RHOBTB3: variants seen among roughly 807,000 people sequenced by gnomAD.
RHOBTB3 encodes the protein Rho related BTB domain containing 3, also known as rho-related BTB domain-containing protein 3.
In RHOBTB3, 47 loss-of-function variants were observed where a neutral mutation model predicts 67.2. The observed-to-expected ratio is 0.70, with a 90% CI of 0.55 to 0.89. The LOEUF is 0.89. Ranked by LOEUF, RHOBTB3 falls within the 40% of genes least tolerant of loss-of-function variation. The probability of loss-of-function intolerance (pLI) is 0.00; values close to 1 mark genes in which losing one functional copy is unlikely to be tolerated. For synonymous variants in RHOBTB3, 273 were observed against 274.2 expected, an observed-to-expected ratio of 1.00 and a Z score of 0.04; for missense variants, 631 against 750.0, an observed-to-expected ratio of 0.84 and a Z score of 1.85.
At chr5:95,733,072 A>G (rs1755343122) in intron 2 of RHOBTB3, among the ~76,000 whole-genome samples, 1 of 152,260 alleles carries the variant, frequency 6.6e-6, no homozygotes, top group African/African-American at 2.4e-5. Flanking sequence ...CCATTCTAAA[A>G]AATGTGTAGA....
At chr5:95,734,535 C>G (rs553613207) in intron 2 of RHOBTB3, among the ~76,000 whole-genome samples, 2 of 152,316 alleles carry the variant, frequency 1.3e-5, no homozygotes, top group East Asian at 3.9e-4. Flanking sequence ...TCTATAGATC[C>G]TTAGCCTTAC....
intron 2 of RHOBTB3, among the ~76,000 whole-genome samples, chr5:95,735,203 T>G (rs927901756): frequency 2.6e-5 from 4 of 152,096 alleles, no homozygotes; most frequent in Admixed American, 6.6e-5. Context: ...TCTGCCCCCT[T>G]GCACCCTCTA....
At chr5:95,775,207 T>C (rs768884284) in intron 8 of RHOBTB3, among the ~76,000 whole-genome samples, 7 of 152,146 alleles carry the variant, frequency 4.6e-5, no homozygotes, top group African/African-American at 1.4e-4. Context: ...TGAAAACTTA[T>C]AAAGGTTAAG....
At chr5:95,773,880 A>AT (rs1325576032) in intron 8 of RHOBTB3, among the ~76,000 whole-genome samples, 1 of 152,192 alleles carries the variant, frequency 6.6e-6, no homozygotes, top group Non-Finnish European at 1.5e-5. Context: ...GTACCTTTGG[A>AT]ATTCTTCCAA....
rs1746549751 is a variant in RHOBTB3 at position 95,795,896 on chromosome 5, T to C, written c.*2722T>C. ...TCCATATATTTCCCAGTCATTTTAA[T>C]TAGAGAAGATACTCTATGGTAGAAC... On this transcript the variant is annotated 3_prime_UTR_variant, in exon 12 of 12. Transcript: ENST00000379982. 1 of 152,258 alleles carries C rather than the reference T, an allele frequency of 6.6e-6. No individual in the cohort carries two copies. Among genetic ancestry groups the C allele is most frequent in the Non-Finnish European group, 1.5e-5 (1 of 68,044 alleles). 9.4% of individuals were successfully genotyped at this position (152,258 alleles called of 1,614,324 possible). A position where few individuals can be genotyped will look rare whatever the true frequency, so the allele number is the denominator to read the frequency against.
intron 8 of RHOBTB3, among the ~76,000 whole-genome samples, chr5:95,777,704 T>G (rs1745930184): frequency 6.6e-6 from 1 of 152,194 alleles, no homozygotes; most frequent in African/African-American, 2.4e-5. Flanking sequence ...AACAGAACAA[T>G]TTATAACATC....
chr5:95,724,785 G>C (rs1387218826), intron 1 of RHOBTB3, among the ~76,000 whole-genome samples: 5 of 152,042 alleles, frequency 3.3e-5, no homozygotes, highest in Non-Finnish European at 7.4e-5. Context: ...CAGTAAATTA[G>C]GATAATAATA....
intron 6 of RHOBTB3, among the ~76,000 whole-genome samples, chr5:95,760,623 G>A (rs556479168): frequency 2.6e-5 from 4 of 152,204 alleles, no homozygotes; most frequent in South Asian, 4.2e-4. Flanking sequence ...TATACCATGC[G>A]CTCTAAAAGT....
At chr5:95,783,577 AAAAAAAAAG>A in intron 9 of RHOBTB3, 1 of 218,696 alleles carries the variant, frequency 4.6e-6, no homozygotes, top group Admixed American at 5.9e-5. Context: ...AAAAAAAAAA[AAAAAAAAAG>A]AAGAAGAAGA....
intron 10 of RHOBTB3, among the ~76,000 whole-genome samples, chr5:95,785,824 C>T (rs576346662): frequency 6.6e-6 from 1 of 152,178 alleles, no homozygotes; most frequent in South Asian, 2.1e-4. Context: ...TTAGTATCTT[C>T]TTAAATTGTT....
At chr5:95,778,681 A>G (rs529186993) in intron 8 of RHOBTB3, among the ~76,000 whole-genome samples, 37 of 152,378 alleles carry the variant, frequency 2.4e-4, no homozygotes, top group African/African-American at 8.9e-4. Context: ...CTAATTTTTA[A>G]AAATATAGTG....
Position 95,783,879 on chromosome 5 carries a change from C to T in RHOBTB3, c.1539C>T (p.Phe513=), listed in dbSNP as rs780598859. The change falls in exon 10 of 12, where the codon TTC becomes TTT. Residue 513 remains phenylalanine, a synonymous_variant. Transcript: ENST00000379982. ...VSRLQHICEL[F]IITQLQSMPS... ...GACTGCAGCACATCTGTGAGCTGTTCATCATTACCCAGCTGCAGAGCATGC... is the reference window on the plus strand; with the variant it reads ...GACTGCAGCACATCTGTGAGCTGTTTATCATTACCCAGCTGCAGAGCATGC... The T allele has an allele frequency of 6.2e-7, 1 of 1,613,906 alleles. No homozygotes were observed. The highest frequency in any genetic ancestry group is 2.2e-5 in the East Asian group (1 of 44,866).
chr5:95,794,100 G>T lies in RHOBTB3; in HGVS notation c.*926G>T. ...AGTGAAGATTCCCGCCTTTGGGGAG[G>T]TCTGGACCACCCAGGGCCTCCACTG... On this transcript the variant is annotated 3_prime_UTR_variant, in exon 12 of 12. Coordinates refer to ENST00000379982, the MANE Select transcript of RHOBTB3 (RefSeq NM_014899.4). 2.2e-6 allele frequency: 1 copy of T among 452,452 alleles called. No individual in the cohort carries two copies. The highest frequency in any genetic ancestry group is 4.4e-6 in the Non-Finnish European group (1 of 225,760). 28.0% of individuals were successfully genotyped at this position (452,452 alleles called of 1,614,324 possible). A position where few individuals can be genotyped will look rare whatever the true frequency, so the allele number is the denominator to read the frequency against.
At chr5:95,753,211 ATG>A (rs972591006) in intron 5 of RHOBTB3, among the ~76,000 whole-genome samples, 3 of 144,546 alleles carry the variant, frequency 2.1e-5, no homozygotes, top group Non-Finnish European at 4.5e-5. Context: ...AGCTGTGTGT[ATG>A]TGTGTGTGTT....
intron 2 of RHOBTB3, among the ~76,000 whole-genome samples, chr5:95,736,544 A>G (rs1286950452): frequency 6.6e-6 from 1 of 152,220 alleles, no homozygotes; most frequent in Non-Finnish European, 1.5e-5. Flanking sequence ...TCTTCCATCT[A>G]ATGCCATAAT....
intron 7 of RHOBTB3, among the ~76,000 whole-genome samples, chr5:95,765,786 C>T (rs1745525937): frequency 6.6e-6 from 1 of 152,164 alleles, no homozygotes; most frequent in African/African-American, 2.4e-5. Flanking sequence ...CTCAGCCTCC[C>T]GAGTAGTTGG....
At chr5:95,726,659 C>T (rs1755061987), upstream of RHOBTB3, among the ~76,000 whole-genome samples, 1 of 152,190 alleles carries the variant, frequency 6.6e-6, no homozygotes, top group Non-Finnish European at 1.5e-5. Context: ...CAAAGAGTAT[C>T]AGAAACATCA....
chr5:95,763,497 T>C lies in RHOBTB3; in HGVS notation c.1049-11T>C. The C allele has an allele frequency of 6.5e-7, 1 of 1,529,002 alleles. No individual in the cohort carries two copies. The highest frequency in any genetic ancestry group is 9.0e-7 in the Non-Finnish European group (1 of 1,105,202). 94.7% of individuals were successfully genotyped at this position (1,529,002 alleles called of 1,614,324 possible). ...AACAGAAAAATCCAGCATGTACTAA[T>C]TTGTTTACAGGTGCTTTTCAGTGGG... On this transcript the variant is annotated splice_polypyrimidine_tract_variant and intron_variant, in intron 6 of 11. Coordinates refer to ENST00000379982, the MANE Select transcript of RHOBTB3 (RefSeq NM_014899.4).
chr5:95,776,432 A>T (rs1424644566), intron 8 of RHOBTB3, among the ~76,000 whole-genome samples: 6 of 151,980 alleles, frequency 3.9e-5, no homozygotes, highest in Non-Finnish European at 8.8e-5. Context: ...AAAAAATAAA[A>T]AAATAAATTT....
Sources: gnomAD v4.1 joint callset for allele counts (sites outside exome capture counted in the v4.1 genomes callset) on GRCh38, gnomAD v4.1.1 for gene constraint, MANE v1.5 for transcripts, NCBI Gene and HGNC (gene_info 2026-07-23, HGNC 2026-07-21) for gene names.